PTGIS: variants seen among roughly 807,000 people sequenced by gnomAD.
PTGIS encodes prostacyclin synthase.
PTGIS carries 45 observed loss-of-function variants against 50.3 expected under a neutral mutation model. The ratio of observed to expected loss-of-function variants is 0.90; its 90% confidence interval spans 0.70 to 1.15. The LOEUF (loss-of-function observed/expected upper bound fraction) is 1.15, where lower values mean the gene tolerates loss of function less well. PTGIS is among the 50% of genes most tolerant of loss of function. The probability of loss-of-function intolerance (pLI) is 0.00; values close to 1 mark genes in which losing one functional copy is unlikely to be tolerated. For missense variants in PTGIS, 668 were observed against 661.3 expected (o/e 1.01, Z -0.11); for synonymous variants, 260 against 267.7 (o/e 0.97, Z 0.28).
intron 5 of PTGIS, among the ~76,000 whole-genome samples, chr20:49,534,606 T>C (rs1281871836): frequency 6.6e-6 from 1 of 152,124 alleles, no homozygotes; most frequent in Non-Finnish European, 1.5e-5. Flanking sequence ...AGGTGCTTTA[T>C]GCACAGGATT....
intron 5 of PTGIS, among the ~76,000 whole-genome samples, chr20:49,538,442 T>C (rs1277450142): frequency 6.6e-6 from 1 of 151,770 alleles, no homozygotes; most frequent in African/African-American, 2.4e-5. Flanking sequence ...AAATAAAAAC[T>C]GGACTATTGA....
chr20:49,542,571 C>A (rs540699255), intron 4 of PTGIS, among the ~76,000 whole-genome samples: 132 of 152,352 alleles, frequency 8.7e-4, no homozygotes, highest in African/African-American at 3.1e-3. Context: ...ACTTCTTTGT[C>A]TGCACAGGGA....
intron 4 of PTGIS, among the ~76,000 whole-genome samples, chr20:49,543,670 C>T (rs1982286803): frequency 6.6e-6 from 1 of 152,174 alleles, no homozygotes; most frequent in Admixed American, 6.6e-5. Flanking sequence ...TAGGTCTTGG[C>T]TCAGAAGCCA....
Position 49,568,107 on chromosome 20 carries a change from C to T in PTGIS, c.10G>A (p.Ala4Thr), listed in dbSNP as rs1057495908. 5.9e-5 allele frequency: 73 copies of T among 1,237,872 alleles called. No individual in the cohort carries two copies. The Middle Eastern group carries it at 8.4e-4, about 14-fold the overall frequency. 76.7% of individuals were successfully genotyped at this position (1,237,872 alleles called of 1,614,324 possible). ...GCGGCCAGGAGGCCGAGGAGCGCGGCCCAAGCCATCGCGGGGCTGGCGGGG... is the reference window on the plus strand; with the variant it reads ...GCGGCCAGGAGGCCGAGGAGCGCGGTCCAAGCCATCGCGGGGCTGGCGGGG... MAW[A>T]ALLGLLAALL... The change falls in exon 1 of 10, where the codon GCC becomes ACC. Residue 4 changes from alanine to threonine, a missense_variant. By Grantham distance (58) the Ala-to-Thr change is moderately conservative. Transcript: ENST00000244043.
At chr20:49,546,364 T>A (rs1982359675) in intron 3 of PTGIS, among the ~76,000 whole-genome samples, 1 of 152,196 alleles carries the variant, frequency 6.6e-6, no homozygotes, top group African/African-American at 2.4e-5. Flanking sequence ...CCCAGGACAC[T>A]CAGGCTCCAA....
rs1468294538 is a variant in PTGIS at position 49,540,429 on chromosome 20, G to A, written c.522-708C>T. Among the ~76,000 whole-genome samples, 1 of 152,134 alleles carries A rather than the reference G, an allele frequency of 6.6e-6. No individual in the cohort carries two copies. The highest frequency in any genetic ancestry group is 1.5e-5 in the Non-Finnish European group (1 of 68,014). ...AGTGCAACCGTGCCTGGTGGGAGAG[G>A]TGCCAGCTGTGGCTGGTGCAGGCAC... On this transcript the variant is annotated intron_variant, in intron 4 of 9. Coordinates refer to ENST00000244043, the MANE Select transcript of PTGIS (RefSeq NM_000961.4). This position sits in a 1 kb window ranked among gnomAD's most constrained non-coding sequence, Gnocchi z 4.8.
At chr20:49,525,652 C>T (rs918912965) in intron 5 of PTGIS, among the ~76,000 whole-genome samples, 3 of 151,150 alleles carry the variant, frequency 2.0e-5, no homozygotes, top group East Asian at 1.9e-4. Context: ...TAAAGCTCCA[C>T]GGTAATGCTA....
chr20:49,544,202 C>T, intron 4 of PTGIS, 103 bp downstream of exon 4: 1 of 1,488,448 alleles, frequency 6.7e-7, no homozygotes, highest in Non-Finnish European at 9.1e-7. Context: ...CAAATTGCTT[C>T]CCCCACCCAC....
intron 6 of PTGIS, among the ~76,000 whole-genome samples, chr20:49,518,151 G>T (rs1601182110): frequency 6.6e-6 from 1 of 152,248 alleles, no homozygotes; most frequent in African/African-American, 2.4e-5. Context: ...GGGGGTCACA[G>T]ATTGTGTTTC....
chr20:49,519,308 A>G (rs904958615), intron 6 of PTGIS, among the ~76,000 whole-genome samples: 1 of 152,100 alleles, frequency 6.6e-6, no homozygotes, highest in African/African-American at 2.4e-5. Context: ...TGAGGATCCT[A>G]TGAGATGGTG....
At chr20:49,521,401 C>T (rs541517463) in intron 6 of PTGIS, among the ~76,000 whole-genome samples, 137 of 152,296 alleles carry the variant, frequency 9.0e-4, no homozygotes, top group African/African-American at 2.7e-3. Context: ...GAATTCTGGA[C>T]GCTGTCAACG....
chr20:49,514,098 C>T (rs1981403458), intron 7 of PTGIS, 129 bp downstream of exon 7: 3 of 1,138,448 alleles, frequency 2.6e-6, no homozygotes, highest in Non-Finnish European at 3.9e-6. Context: ...AGATAGGAGG[C>T]TTAGGGAGAC....
chr20:49,514,091 T>A (rs6019879), intron 7 of PTGIS, 136 bp downstream of exon 7: 11 of 1,014,350 alleles, frequency 1.1e-5, no homozygotes, highest in African/African-American at 4.8e-5. Context: ...TGTGTGAAGA[T>A]AGGAGGCTTA....
rs1352895735 is a variant in PTGIS, at chr20:49,507,489, C to CT, written c.*430dup. ...GACATCAATGGACACAAAGGACATC[C>CT]TGAGTGGCCTTTCTGTGGCCAGCAT... On this transcript the variant is annotated 3_prime_UTR_variant, in exon 10 of 10. Coordinates refer to ENST00000244043, the MANE Select transcript of PTGIS (RefSeq NM_000961.4). 3.2e-6 allele frequency: 1 copy of CT among 308,862 alleles called. No individual in the cohort carries two copies. The highest frequency in any genetic ancestry group is 2.2e-5 in the African/African-American group (1 of 46,254). The allele number at this position is 308,862 out of a possible 1,614,324, so 19.1% of individuals were successfully genotyped here. A position where few individuals can be genotyped will look rare whatever the true frequency, so the allele number is the denominator to read the frequency against.
At position 49,513,159 on chromosome 20, in the gene PTGIS, T is replaced by C. The variant is rs149277612; in HGVS notation, c.1127A>G (p.Asn376Ser). 76 of 1,613,924 alleles carry C rather than the reference T, an allele frequency of 4.7e-5. No homozygotes were observed. The highest frequency in any genetic ancestry group is 6.4e-5 in the Non-Finnish European group (75 of 1,180,026). Residue 376 changes from asparagine to serine, a missense_variant, in exon 8 of 10, where the codon AAC becomes AGC. Physicochemically the swap from Asn to Ser is conservative, Grantham distance 46. Transcript: ENST00000244043. ...GAGGAGGCGGTCACCACGTCGCAGGTTGAATTCTCGCCCGTCTGCCATGGG... is the reference window on the plus strand; with the variant it reads ...GAGGAGGCGGTCACCACGTCGCAGGCTGAATTCTCGCCCGTCTGCCATGGG... ...AMPMADGREF[N>S]LRRGDRLLLF...
intron 1 of PTGIS, among the ~76,000 whole-genome samples, 188 bp from the exon 2 acceptor site, chr20:49,550,377 TC>T (rs777297229): frequency 2.6e-5 from 4 of 152,152 alleles, no homozygotes; most frequent in Non-Finnish European, 4.4e-5. Flanking sequence ...CTCTTTCCCC[TC>T]CAGCCCACTT....
intron 3 of PTGIS, among the ~76,000 whole-genome samples, chr20:49,545,122 T>C (rs1982325705): frequency 6.6e-6 from 1 of 150,886 alleles, no homozygotes; most frequent in South Asian, 2.1e-4. Flanking sequence ...AAATAAAATA[T>C]TAGCCAGGGG....
At chr20:49,509,774 TC>T (rs1466234769) in intron 9 of PTGIS, among the ~76,000 whole-genome samples, 1 of 151,930 alleles carries the variant, frequency 6.6e-6, no homozygotes, top group Non-Finnish European at 1.5e-5. Context: ...TTTACTGGGT[TC>T]TTCTCTCTCT....
intron 1 of PTGIS, among the ~76,000 whole-genome samples, chr20:49,565,216 C>T (rs1568689046): frequency 6.6e-6 from 1 of 151,850 alleles, no homozygotes; most frequent in African/African-American, 2.4e-5. Context: ...CTCCTGACCT[C>T]GTGATCCGCC....
Sources: allele counts gnomAD v4.1 joint callset (sites outside exome capture counted in the v4.1 genomes callset), GRCh38; gene constraint gnomAD v4.1.1; non-coding constraint Gnocchi (gnomAD v3.1); transcripts MANE v1.5; gene names NCBI Gene and HGNC (gene_info 2026-07-23, HGNC 2026-07-21).